Variants in OXCT1 observed in about 807,000 individuals in gnomAD.
OXCT1 encodes the protein succinyl-CoA:3-ketoacid coenzyme A transferase 1, mitochondrial.
Under a neutral mutation model 69.6 loss-of-function variants are expected in OXCT1, and 27 were observed. The ratio of observed to expected loss-of-function variants is 0.39; its 90% confidence interval spans 0.29 to 0.54. The LOEUF is 0.54. OXCT1 is among the 20% of genes least tolerant of loss of function. The pLI, the probability that OXCT1 is intolerant of heterozygous loss-of-function variation, is 0.72. For synonymous variants in OXCT1, 202 were observed against 217.8 expected (o/e 0.93, Z 0.64); for missense variants, 437 against 650.2 (o/e 0.67, Z 3.57).
At chr5:41,843,112 T>C (rs966631253) in intron 5 of OXCT1, among the ~76,000 whole-genome samples, 6 of 152,190 alleles carry the variant, frequency 3.9e-5, no homozygotes, top group Non-Finnish European at 5.9e-5. Flanking sequence ...ATGTGAAAAA[T>C]AGTCCTTCTT....
At position 41,860,777 on chromosome 5, in the gene OXCT1, A is replaced by T. The variant is rs547586554; in HGVS notation, c.278+537T>A. Among the ~76,000 whole-genome samples, 358 of 152,234 alleles carry T rather than the reference A, an allele frequency of 2.4e-3. 2 individuals are homozygous for T. Among genetic ancestry groups the T allele is most frequent in the Non-Finnish European group, 4.2e-3 (289 of 68,002 alleles). On this transcript the variant is annotated intron_variant, in intron 3 of 16. Coordinates refer to ENST00000196371, the MANE Select transcript of OXCT1 (RefSeq NM_000436.4). ...TTAAAATGATGGCTTATTTCTGACCACTATAATATGCAATCCTATTATCTT... is the reference window on the plus strand; with the variant it reads ...TTAAAATGATGGCTTATTTCTGACCTCTATAATATGCAATCCTATTATCTT...
intron 3 of OXCT1, 85 bp from the exon 4 acceptor site, chr5:41,853,639 T>C: frequency 7.0e-7 from 1 of 1,438,494 alleles, no homozygotes; most frequent in Non-Finnish European, 9.6e-7. Context: ...CTTTGTTAAT[T>C]TAAAGAAAAA....
intron 11 of OXCT1, among the ~76,000 whole-genome samples, chr5:41,798,202 T>C (rs925403898): frequency 8.6e-5 from 13 of 151,904 alleles, no homozygotes; most frequent in African/African-American, 2.9e-4. Flanking sequence ...CACCCAGCAG[T>C]CCAGAATGGG....
intron 11 of OXCT1, among the ~76,000 whole-genome samples, chr5:41,795,464 G>A (rs1261627231): frequency 6.6e-6 from 1 of 152,182 alleles, no homozygotes. Flanking sequence ...GAGGAAGGAA[G>A]TTCTGGGGTA....
intron 16 of OXCT1, among the ~76,000 whole-genome samples, chr5:41,738,913 T>C (rs1283102055): frequency 6.6e-6 from 1 of 152,248 alleles, no homozygotes; most frequent in Non-Finnish European, 1.5e-5. Flanking sequence ...AACCTGGTGA[T>C]GTCAGAGGCC....
Position 41,801,115 on chromosome 5 carries a change from C to T in OXCT1, c.1051-45G>A, listed in dbSNP as rs554564673. The T allele has an allele frequency of 2.1e-5, 29 of 1,371,172 alleles. No homozygotes were observed. In the Admixed American group the frequency reaches 3.2e-4, roughly 15 times the overall value. The allele number at this position is 1,371,172 out of a possible 1,614,324, so 84.9% of individuals were successfully genotyped here. A position where few individuals can be genotyped will look rare whatever the true frequency, so the allele number is the denominator to read the frequency against. ...TTCAATTAGTAAATGAAGATTCTCACTGAATCACATATTAGAACTATAATA... is the reference window on the plus strand; with the variant it reads ...TTCAATTAGTAAATGAAGATTCTCATTGAATCACATATTAGAACTATAATA... On this transcript the variant is annotated intron_variant, in intron 10 of 16. Coordinates refer to ENST00000196371, the MANE Select transcript of OXCT1 (RefSeq NM_000436.4).
chr5:41,735,407 A>G (rs1742837400), intron 16 of OXCT1, among the ~76,000 whole-genome samples: 1 of 152,258 alleles, frequency 6.6e-6, no homozygotes, highest in Non-Finnish European at 1.5e-5. Context: ...AAAATGATAG[A>G]AACAGAAAGC....
At position 41,794,757 on chromosome 5, in the gene OXCT1, C is replaced by G. The variant is rs1032564254; in HGVS notation, c.1100-8G>C. On this transcript the variant is annotated splice_region_variant and splice_polypyrimidine_tract_variant and intron_variant, in intron 11 of 16. Transcript: ENST00000196371. ...TAGTAACTGTTTCCTTGCCTAAACA[C>G]ACACACACACAAAAGAAAGAAAAGG... 1.2e-6 allele frequency: 2 copies of G among 1,609,376 alleles called. No individual in the cohort carries two copies. The highest frequency in any genetic ancestry group is 2.2e-5 in the South Asian group (2 of 91,006).
chr5:41,777,382 C>T (rs1745178422), intron 13 of OXCT1, among the ~76,000 whole-genome samples: 1 of 152,186 alleles, frequency 6.6e-6, no homozygotes. Context: ...TGCCACTGCA[C>T]TCCAGCCTGG....
At chr5:41,810,721 G>A (rs1746935975) in intron 7 of OXCT1, among the ~76,000 whole-genome samples, 1 of 152,072 alleles carries the variant, frequency 6.6e-6, no homozygotes, top group African/African-American at 2.4e-5. Flanking sequence ...ATGTGTTTGT[G>A]ATTGCTTGGC....
chr5:41,862,758 AT>A lies in OXCT1; in HGVS notation c.79-9del. The A allele has an allele frequency of 6.5e-7, 1 of 1,542,098 alleles. No homozygotes were observed. On this transcript the variant is annotated splice_polypyrimidine_tract_variant and intron_variant, in intron 1 of 16. Coordinates refer to ENST00000196371, the MANE Select transcript of OXCT1 (RefSeq NM_000436.4). ...AAAGGAACAAACACATCCCTGAAAT[AT>A]TAAAAAAAAAAAATTGATAATCATT...
At chr5:41,793,607 T>A (rs1040626676) in intron 13 of OXCT1, among the ~76,000 whole-genome samples, 1 of 152,252 alleles carries the variant, frequency 6.6e-6, no homozygotes, top group African/African-American at 2.4e-5. Flanking sequence ...AATCACTGAT[T>A]AATAGAATTA....
intron 16 of OXCT1, among the ~76,000 whole-genome samples, chr5:41,736,649 A>G (rs116824531): frequency 2.4e-4 from 36 of 152,306 alleles, no homozygotes; most frequent in Non-Finnish European, 3.8e-4. Context: ...CAACCAGCTA[A>G]TATCCACATA....
At chr5:41,831,129 A>T (rs574058553) in intron 7 of OXCT1, among the ~76,000 whole-genome samples, 17 of 152,358 alleles carry the variant, frequency 1.1e-4, no homozygotes, top group African/African-American at 3.8e-4. Flanking sequence ...CAATGTCAAA[A>T]GTCACAGTCT....
intron 7 of OXCT1, among the ~76,000 whole-genome samples, chr5:41,824,415 T>C (rs959997043): frequency 6.6e-6 from 1 of 152,204 alleles, no homozygotes; most frequent in African/African-American, 2.4e-5. Context: ...CTTAGCTGTA[T>C]AGAGTCTACT....
At chr5:41,858,875 A>G (rs1242259786) in intron 3 of OXCT1, among the ~76,000 whole-genome samples, 1 of 152,222 alleles carries the variant, frequency 6.6e-6, no homozygotes, top group African/African-American at 2.4e-5. Flanking sequence ...TCATTTAAAT[A>G]TAAGGCTAAT....
Position 41,733,244 on chromosome 5 carries a change from C to CTTT in OXCT1, c.1522-1477_1522-1475dup, listed in dbSNP as rs35461928. On this transcript the variant is annotated intron_variant, in intron 16 of 16. Transcript: ENST00000196371. ...CATCTGTGGAAATAATTTAGTGAAA[C>CTTT]TTTTTTTTTTTTTTTTTTTGAGACG... Among the ~76,000 whole-genome samples, 10 of 128,024 alleles carry CTTT rather than the reference C, an allele frequency of 7.8e-5. No homozygotes were observed. The South Asian group carries it at 1.6e-3, about 20-fold the overall frequency. The allele number at this position is 128,024 out of a possible 152,430, so 84.0% of individuals were successfully genotyped here.
At chr5:41,745,811 A>G (rs1743456013) in intron 15 of OXCT1, among the ~76,000 whole-genome samples, 1 of 152,182 alleles carries the variant, frequency 6.6e-6, no homozygotes, top group African/African-American at 2.4e-5. Context: ...AGAAATGGAT[A>G]AATTCCTCGA....
At chr5:41,841,740 C>T (rs1295409903) in intron 6 of OXCT1, among the ~76,000 whole-genome samples, 8 of 151,982 alleles carry the variant, frequency 5.3e-5, no homozygotes, top group South Asian at 2.1e-4. Flanking sequence ...ATTACACAAA[C>T]GTGTCAAATA....
Sources: allele counts gnomAD v4.1 joint callset (sites outside exome capture counted in the v4.1 genomes callset), GRCh38; gene constraint gnomAD v4.1.1; transcripts MANE v1.5; gene names NCBI Gene and HGNC (gene_info 2026-07-23, HGNC 2026-07-21).